The following PHYHD1 variants were observed in gnomAD, a reference collection of about 807,000 sequenced individuals.
PHYHD1 encodes phytanoyl-CoA dioxygenase domain containing 1.
A neutral mutation model predicts 43.6 loss-of-function variants in PHYHD1; 42 were observed. That is an observed-to-expected ratio of 0.96 (90% CI 0.75 to 1.25). The LOEUF is 1.25. Among genes scored for constraint, PHYHD1 ranks in the 50% most tolerant of loss-of-function variants. The probability of loss-of-function intolerance (pLI) is 0.00; values close to 1 mark genes in which losing one functional copy is unlikely to be tolerated. For synonymous variants in PHYHD1, 139 were observed against 143.6 expected, an observed-to-expected ratio of 0.97 and a Z score of 0.23; for missense variants, 342 against 370.8, an observed-to-expected ratio of 0.92 and a Z score of 0.64.
chr9:128,940,610 A>T lies in PHYHD1; in HGVS notation c.598A>T (p.Arg200Ter). 5.0e-6 allele frequency: 8 copies of T among 1,614,096 alleles called. No homozygotes were observed. The highest frequency in any genetic ancestry group is 6.8e-6 in the Non-Finnish European group (8 of 1,180,020). The change falls in exon 11 of 13, where the codon AGA (arginine) becomes TGA (stop). Residue 200 changes from arginine (R) to a stop codon, truncating the protein, a stop_gained. Transcript: ENST00000372592. LOFTEE classifies it high-confidence loss of function. Reference protein sequence around the residue: ...IPGSHTSGVSRRMVRAPVGSA... With the variant: ...IPGSHTSGVS The stretch of plus-strand genomic sequence containing the variant: ...ATCTTGGCCTGCAGGTGGTGTGTCA[A>T]GAAGGATGGTCCGGGCCCCTGTTGG...
In PHYHD1 at chr9:128,923,891, G is replaced by C. The variant is rs552709807; in HGVS notation, c.33+1535G>C. On this transcript the variant is annotated intron_variant, in intron 3 of 12. Transcript: ENST00000372592. Reference sequence around the variant, plus strand: ...CCAGCACTTTGGGAGGCCAAGGCAGGCGGATCACCTGAGGTCAGGAGTTGG... The same window carrying C: ...CCAGCACTTTGGGAGGCCAAGGCAGCCGGATCACCTGAGGTCAGGAGTTGG... Among the ~76,000 whole-genome samples the C allele has an allele frequency of 3.0e-4, 45 of 152,298 alleles. No individual in the cohort carries two copies. The South Asian group carries it at 8.7e-3, about 29-fold the overall frequency.
chr9:128,937,860 G>C (rs1841464381), intron 9 of PHYHD1, 82 bp downstream of exon 9: 3 of 1,607,298 alleles, frequency 1.9e-6, no homozygotes, highest in African/African-American at 2.7e-5. Flanking sequence ...TTCAGAAGGA[G>C]GGAAAGCGCT....
intron 4 of PHYHD1, among the ~76,000 whole-genome samples, chr9:128,929,242 GA>G (rs1841212607): frequency 6.6e-6 from 1 of 151,128 alleles, no homozygotes; most frequent in Non-Finnish European, 1.5e-5. Flanking sequence ...GAGGCAGAAG[GA>G]TCACTTGGGG....
chr9:128,926,834 G>A (rs1841147746), intron 3 of PHYHD1: 4 of 701,558 alleles, frequency 5.7e-6, no homozygotes, highest in African/African-American at 1.8e-5. Context: ...ATGAGCCACT[G>A]CACCCGGCCT....
intron 11 of PHYHD1, 152 bp downstream of exon 11, chr9:128,940,867 TCAGGAAG>T (rs1841542165): frequency 4.1e-6 from 3 of 725,628 alleles, no homozygotes; most frequent in Non-Finnish European, 6.7e-6. Flanking sequence ...CGCTGGGAAG[TCAGGAAG>T]CAGCATGTTT....
chr9:128,937,687 G>C, intron 8 of PHYHD1, 70 bp from the exon 9 acceptor site: 1 of 1,580,590 alleles, frequency 6.3e-7, no homozygotes, highest in Non-Finnish European at 8.7e-7. Flanking sequence ...ATAGCATCCT[G>C]GGAGTCTCAG....
intron 3 of PHYHD1, among the ~76,000 whole-genome samples, chr9:128,924,354 C>A (rs1841080244): frequency 6.6e-6 from 1 of 151,452 alleles, no homozygotes; most frequent in Admixed American, 6.6e-5. Context: ...GGAGGCGGAG[C>A]TTGCAGTGAG....
intron 9 of PHYHD1, among the ~76,000 whole-genome samples, chr9:128,940,028 T>C (rs1290753951): frequency 6.6e-6 from 1 of 152,088 alleles, no homozygotes; most frequent in Non-Finnish European, 1.5e-5. Flanking sequence ...TTAAGAAGGG[T>C]GGCTTGAGTT....
At position 128,941,519 on chromosome 9, in the gene PHYHD1, T is replaced by G. The variant is rs1262763915; in HGVS notation, c.778T>G (p.Tyr260Asp). ...CCTCTCTGACCGCTCGCGCCAGGCC[T>G]ACACTTTCCACCTCATGGAGGCCTC... is the stretch of plus-strand genomic sequence containing the variant. The part of the protein sequence containing the change: ...QNLSDRSRQA[Y>D]TFHLMEASGT... The change falls in exon 12 of 13, where the codon TAC (tyrosine) becomes GAC (aspartate). Residue 260 changes from tyrosine to aspartate, a missense_variant. Physicochemically the swap from Tyr to Asp is radical, Grantham distance 160. Coordinates refer to ENST00000372592, the MANE Select transcript of PHYHD1 (RefSeq NM_001100876.2). The G allele has an allele frequency of 6.2e-7, 1 of 1,614,090 alleles. No individual in the cohort carries two copies. Among genetic ancestry groups the G allele is most frequent in the Admixed American group, 1.7e-5 (1 of 60,008 alleles).
intron 9 of PHYHD1, 100 bp downstream of exon 9, chr9:128,937,878 G>T: frequency 6.3e-7 from 1 of 1,593,048 alleles, no homozygotes; most frequent in Non-Finnish European, 8.5e-7. Flanking sequence ...GCTTGCTCCT[G>T]TCTGTTGTAG....
chr9:128,937,895 G>A (rs1841465093), intron 9 of PHYHD1, 117 bp downstream of exon 9: 1 of 1,564,576 alleles, frequency 6.4e-7, no homozygotes, highest in South Asian at 1.2e-5. Context: ...GTAGGAGCCT[G>A]GCCCGGAGAG....
chr9:128,932,430 C>T lies in PHYHD1; in HGVS notation c.193-1352C>T, dbSNP rs1380498366. On this transcript the variant is annotated intron_variant, in intron 4 of 12. Coordinates refer to ENST00000372592, the MANE Select transcript of PHYHD1 (RefSeq NM_001100876.2). ...TTGCCCAGGGTGGAGTGCAATGGCA[C>T]GATCTTGGCTCACCGCAACCTCCGC... Among the ~76,000 whole-genome samples the T allele has an allele frequency of 3.3e-5, 5 of 151,898 alleles. No individual in the cohort carries two copies. The South Asian group carries it at 8.3e-4, about 25-fold the overall frequency.
In PHYHD1 at chr9:128,924,050, C is replaced by A. The variant is rs144607571; in HGVS notation, c.33+1694C>A. ...TGGAGAATCACTTGAACCCCGAAGG[C>A]AGAGTTTGCAGTGAGCTGAGATCAT... On this transcript the variant is annotated intron_variant, in intron 3 of 12. Coordinates refer to ENST00000372592, the MANE Select transcript of PHYHD1 (RefSeq NM_001100876.2). 2.6e-3 allele frequency among the ~76,000 whole-genome samples: 394 copies of A among 152,142 alleles called. 2 individuals carry two copies. The highest frequency in any genetic ancestry group is 4.1e-3 in the Non-Finnish European group (276 of 68,018).
intron 4 of PHYHD1, among the ~76,000 whole-genome samples, chr9:128,932,383 T>A (rs1285753699): frequency 6.6e-6 from 1 of 151,750 alleles, no homozygotes; most frequent in Non-Finnish European, 1.5e-5. Flanking sequence ...TTATTTTTTC[T>A]TGAGATGGAA....
intron 4 of PHYHD1, among the ~76,000 whole-genome samples, chr9:128,929,789 ATTC>A (rs1841225423): frequency 6.6e-6 from 1 of 152,122 alleles, no homozygotes; most frequent in South Asian, 2.1e-4. Context: ...GAAATAACGA[ATTC>A]AGTAAAATAT....
At chr9:128,926,007 C>T (rs893715922) in intron 3 of PHYHD1, among the ~76,000 whole-genome samples, 2 of 152,202 alleles carry the variant, frequency 1.3e-5, no homozygotes, top group East Asian at 3.8e-4. Context: ...AGTAAATTTA[C>T]CTGTGTGGTT....
intron 4 of PHYHD1, among the ~76,000 whole-genome samples, 160 bp downstream of exon 4, chr9:128,927,356 T>C (rs1177842683): frequency 6.6e-6 from 1 of 151,754 alleles, no homozygotes; most frequent in African/African-American, 2.4e-5. Context: ...AGTTATCAAG[T>C]AGGCTTTATT....
chr9:128,932,130 C>T (rs762937495), intron 4 of PHYHD1, among the ~76,000 whole-genome samples: 25 of 150,792 alleles, frequency 1.7e-4, no homozygotes, highest in Non-Finnish European at 2.8e-4. Flanking sequence ...CCACCGCACC[C>T]GGCCTGGGGA....
Position 128,941,527 on chromosome 9 carries a change from C to T in PHYHD1, c.786C>T (p.Phe262=). ...ACCGCTCGCGCCAGGCCTACACTTT[C>T]CACCTCATGGAGGCCTCTGGCACCA... ...LSDRSRQAYT[F]HLMEASGTTW... Residue 262 remains phenylalanine (F), a synonymous_variant, in exon 12 of 13, where the codon TTC becomes TTT. Coordinates refer to ENST00000372592, the MANE Select transcript of PHYHD1 (RefSeq NM_001100876.2). 6.2e-7 allele frequency: 1 copy of T among 1,614,174 alleles called. No individual in the cohort carries two copies. Among genetic ancestry groups the T allele is most frequent in the South Asian group, 1.1e-5 (1 of 91,080 alleles).
Sources: allele counts gnomAD v4.1 joint callset (sites outside exome capture counted in the v4.1 genomes callset), GRCh38; gene constraint gnomAD v4.1.1; transcripts MANE v1.5; gene names NCBI Gene and HGNC (gene_info 2026-07-23, HGNC 2026-07-21).